NEIL3: variants seen among roughly 807,000 people sequenced by gnomAD.
NEIL3 encodes endonuclease 8-like 3.
Under a neutral mutation model 57.5 loss-of-function variants are expected in NEIL3, and 48 were observed. The ratio of observed to expected loss-of-function variants is 0.83; its 90% CI spans 0.66 to 1.06. The LOEUF (loss-of-function observed/expected upper bound fraction) is 1.06. Among genes scored for constraint, NEIL3 ranks in the 50% least tolerant of loss-of-function variants. The pLI is 0.00. For synonymous variants in NEIL3, 261 were observed against 253.2 expected (o/e 1.03, Z -0.29); for missense variants, 717 against 739.1 (o/e 0.97, Z 0.35).
chr4:177,318,763 C>T (rs1317201519), intron 1 of NEIL3, among the ~76,000 whole-genome samples: 3 of 152,220 alleles, frequency 2.0e-5, no homozygotes, highest in South Asian at 2.1e-4. Context: ...ATTTCTTTTC[C>T]GAATGTTCTA....
chr4:177,331,073 C>A (rs1734876986), intron 2 of NEIL3, among the ~76,000 whole-genome samples: 1 of 152,110 alleles, frequency 6.6e-6, no homozygotes, highest in Non-Finnish European at 1.5e-5. Context: ...AATAAATGGA[C>A]AGATTCCTTG....
intron 8 of NEIL3, among the ~76,000 whole-genome samples, chr4:177,357,251 A>G (rs1040359075): frequency 1.3e-5 from 2 of 152,246 alleles, no homozygotes; most frequent in Non-Finnish European, 2.9e-5. Flanking sequence ...GAATCGCCCT[A>G]TCTATAAAAT....
In NEIL3 at chr4:177,336,118, G is replaced by GA. The variant is rs755668342; in HGVS notation, c.427dup (p.Ser143LysfsTer17). On this transcript the variant is annotated frameshift_variant, in exon 4 of 10. Transcript: ENST00000264596. LOFTEE classifies it high-confidence loss of function. ...TATTCCTTTCTATAGAAACTCAATG[G>GA]AAAGCCAACAGAGAATAAGAATGAT... 1.1e-5 allele frequency: 17 copies of GA among 1,609,668 alleles called. No individual in the cohort carries two copies. Among genetic ancestry groups the GA allele is most frequent in the Middle Eastern group, 1.7e-4 (1 of 6,054 alleles).
intron 2 of NEIL3, among the ~76,000 whole-genome samples, chr4:177,326,249 T>C (rs958238772): frequency 1.3e-5 from 2 of 152,178 alleles, no homozygotes; most frequent in African/African-American, 4.8e-5. Context: ...GGAGCTGGAC[T>C]TTGTCTTTTT....
intron 1 of NEIL3, among the ~76,000 whole-genome samples, chr4:177,319,790 G>A (rs1019718617): frequency 1.3e-5 from 2 of 152,162 alleles, no homozygotes; most frequent in African/African-American, 2.4e-5. Context: ...AAGGGTGTGT[G>A]TGTGTGTAAA....
chr4:177,330,825 T>G (rs1012231620), intron 2 of NEIL3, among the ~76,000 whole-genome samples: 2 of 152,212 alleles, frequency 1.3e-5, no homozygotes, highest in Admixed American at 1.3e-4. Context: ...ATACTAAGTC[T>G]TCAAAATCTA....
chr4:177,310,738 T>C (rs980701917), intron 1 of NEIL3, among the ~76,000 whole-genome samples: 6 of 152,250 alleles, frequency 3.9e-5, no homozygotes, highest in African/African-American at 1.4e-4. Context: ...GACGATGTGG[T>C]ATTCATTTGG....
chr4:177,313,395 C>T (rs1389116093), intron 1 of NEIL3, among the ~76,000 whole-genome samples: 4 of 152,150 alleles, frequency 2.6e-5, no homozygotes, highest in African/African-American at 9.7e-5. Context: ...ATAGAAGATC[C>T]CAGCATCTGC....
intron 8 of NEIL3, among the ~76,000 whole-genome samples, chr4:177,355,655 G>T (rs1301104925): frequency 6.6e-6 from 1 of 152,124 alleles, no homozygotes; most frequent in African/African-American, 2.4e-5. Context: ...CCTCTTATTA[G>T]CTGTGCCTTT....
intron 8 of NEIL3, among the ~76,000 whole-genome samples, chr4:177,355,789 T>C (rs890684121): frequency 6.6e-6 from 1 of 152,200 alleles, no homozygotes; most frequent in Non-Finnish European, 1.5e-5. Flanking sequence ...CTCTGCTCAA[T>C]AGATGTGTTT....
intron 8 of NEIL3, among the ~76,000 whole-genome samples, chr4:177,356,498 C>T (rs1042729958): frequency 6.6e-6 from 1 of 152,288 alleles, no homozygotes; most frequent in South Asian, 2.1e-4. Context: ...GAATAAATTG[C>T]AAATTACTGT....
intron 2 of NEIL3, among the ~76,000 whole-genome samples, chr4:177,331,895 C>T (rs903120108): frequency 6.6e-6 from 1 of 152,126 alleles, no homozygotes; most frequent in Non-Finnish European, 1.5e-5. Flanking sequence ...TACTTTATGC[C>T]TTGTGTGTGG....
At position 177,336,097 on chromosome 4, in the gene NEIL3, C is replaced by T. The variant is rs1478367713; in HGVS notation, c.414-11C>T. 1.9e-6 allele frequency: 3 copies of T among 1,580,442 alleles called. No homozygotes were observed. The highest frequency in any genetic ancestry group is 1.7e-6 in the Non-Finnish European group (2 of 1,150,450). On this transcript the variant is annotated splice_polypyrimidine_tract_variant and intron_variant, in intron 3 of 9. Transcript: ENST00000264596. Reference sequence around the variant, plus strand: ...ACTTATGATTAATGTGTTTTATATTCCTTTCTATAGAAACTCAATGGAAAG... The same window carrying T: ...ACTTATGATTAATGTGTTTTATATTTCTTTCTATAGAAACTCAATGGAAAG...
chr4:177,329,691 C>T (rs1241063142), intron 2 of NEIL3, among the ~76,000 whole-genome samples: 1 of 152,102 alleles, frequency 6.6e-6, no homozygotes, highest in Non-Finnish European at 1.5e-5. Flanking sequence ...GGATAAAAGA[C>T]CTGAGCAACA....
At chr4:177,365,536 A>T (rs964728843), downstream of NEIL3, among the ~76,000 whole-genome samples, 4 of 152,142 alleles carry the variant, frequency 2.6e-5, no homozygotes, top group Non-Finnish European at 4.4e-5. Flanking sequence ...TCCCTCCAAA[A>T]TTTGGGTGAC....
chr4:177,336,816 C>T (rs1451720182), intron 4 of NEIL3, among the ~76,000 whole-genome samples: 1 of 152,094 alleles, frequency 6.6e-6, no homozygotes, highest in Non-Finnish European at 1.5e-5. Context: ...ATATTAAGTA[C>T]ATGTTCTGCA....
At chr4:177,345,268 G>C (rs1363919476) in intron 6 of NEIL3, among the ~76,000 whole-genome samples, 1 of 152,186 alleles carries the variant, frequency 6.6e-6, no homozygotes, top group African/African-American at 2.4e-5. Context: ...TCAAAGACAA[G>C]AGGTAGGAAA....
chr4:177,353,266 T>C, intron 7 of NEIL3, 42 bp from the exon 8 acceptor site: 1 of 1,495,172 alleles, frequency 6.7e-7, no homozygotes, highest in African/African-American at 1.4e-5. Flanking sequence ...CAGTATGTTA[T>C]ATTTATGGGA....
intron 2 of NEIL3, among the ~76,000 whole-genome samples, chr4:177,330,486 G>A (rs1734860950): frequency 6.6e-6 from 1 of 151,716 alleles, no homozygotes; most frequent in Admixed American, 6.6e-5. Context: ...AAATAATGAA[G>A]ATAAGAACAG....
Sources: gnomAD v4.1 joint callset for allele counts (sites outside exome capture counted in the v4.1 genomes callset) on GRCh38, gnomAD v4.1.1 for gene constraint, MANE v1.5 for transcripts, NCBI Gene and HGNC (gene_info 2026-07-23, HGNC 2026-07-21) for gene names.